Variants in FCMR observed in about 807,000 individuals in gnomAD.
The protein encoded by FCMR is Fc mu receptor.
A neutral mutation model predicts 41.6 loss-of-function variants in FCMR; 34 were observed. The observed-to-expected ratio is 0.82, with a 90% CI of 0.62 to 1.09. The LOEUF (loss-of-function observed/expected upper bound fraction) is 1.09, where lower values mean the gene tolerates loss of function less well. Among genes scored for constraint, FCMR ranks in the 50% least tolerant of loss-of-function variants. The probability of loss-of-function intolerance (pLI) is 0.00; values close to 1 mark genes in which losing one functional copy is unlikely to be tolerated. For missense variants in FCMR, 496 were observed against 512.5 expected, an observed-to-expected ratio of 0.97 and a Z score of 0.31; for synonymous variants, 209 against 211.8, an observed-to-expected ratio of 0.99 and a Z score of 0.12.
intron 1 of FCMR, among the ~76,000 whole-genome samples, chr1:206,915,726 C>T (rs752680845): frequency 1.2e-4 from 19 of 152,020 alleles, no homozygotes; most frequent in Non-Finnish European, 2.4e-4. Flanking sequence ...GAGATTCTTC[C>T]AAATAGCCAG....
chr1:206,910,210 CT>C lies in FCMR; in HGVS notation c.840del (p.Ala281ProfsTer11). On this transcript the variant is annotated frameshift_variant and splice_region_variant, in exon 5 of 8. Transcript: ENST00000367091. LOFTEE classifies it high-confidence loss of function. Reference sequence around the variant, plus strand: ...TCCCTACCGAAGCCCAGCCGCTCACCTTTCCTCCTTTCAACGGCCCTTTTCA... The same window carrying C: ...TCCCTACCGAAGCCCAGCCGCTCACCTTCCTCCTTTCAACGGCCCTTTTCA... The part of the protein sequence containing the change: ...LVVKRAVERR[K>X]ALSRRARRLA... The C allele has an allele frequency of 6.2e-7, 1 of 1,600,114 alleles. No individual in the cohort carries two copies. Among genetic ancestry groups the C allele is most frequent in the South Asian group, 1.1e-5 (1 of 87,690 alleles).
intron 1 of FCMR, among the ~76,000 whole-genome samples, chr1:206,916,727 A>G (rs1289296206): frequency 6.6e-6 from 1 of 152,240 alleles, no homozygotes; most frequent in African/African-American, 2.4e-5. Context: ...AAAGACAGAT[A>G]TAAGCTACTG....
rs139977480 is a variant in FCMR at position 206,917,652 on chromosome 1, G to A, written c.38-3558C>T. 3.2e-3 allele frequency among the ~76,000 whole-genome samples: 481 copies of A among 152,150 alleles called. 9 individuals are homozygous for A. The highest frequency in any genetic ancestry group is 0.026 in the Admixed American group (400 of 15,270). On this transcript the variant is annotated intron_variant, in intron 1 of 7. Transcript: ENST00000367091. ...TCTTCTCCTTCTGTTTTTAAGACAG[G>A]GTCTTTCTCTGTCACCCAGGCTGGG...
At chr1:206,918,650 AGT>A (rs10652847) in intron 1 of FCMR, among the ~76,000 whole-genome samples, 21,985 of 145,730 alleles carry the variant, frequency 0.15, 1,694 homozygotes, top group East Asian at 0.2. Flanking sequence ...ATAAATTTTA[AGT>A]GTGTGTGTGT....
chr1:206,910,387 G>C (rs746926551), intron 4 of FCMR, 47 bp from the exon 5 acceptor site: 1 of 1,430,482 alleles, frequency 7.0e-7, no homozygotes, highest in East Asian at 2.8e-5. Context: ...ATTATTAAAG[G>C]AGGTAGGTTG....
In FCMR at chr1:206,903,335, T is replaced by C. The variant is rs1171712597; in HGVS notation, c.*1684A>G. 2.8e-6 allele frequency: 1 copy of C among 359,400 alleles called. No homozygotes were observed. The highest frequency in any genetic ancestry group is 5.2e-6 in the Non-Finnish European group (1 of 193,706). 22.3% of individuals were successfully genotyped at this position (359,400 alleles called of 1,614,324 possible). ...GTCAGTATTTCAACTGAAGTTCTAT[T>C]TATTTGTGAGACTGTAAGTTACATG... is the stretch of plus-strand genomic sequence containing the variant. On this transcript the variant is annotated 3_prime_UTR_variant, in exon 8 of 8. Transcript: ENST00000367091.
intron 1 of FCMR, among the ~76,000 whole-genome samples, chr1:206,915,782 C>G (rs926857491): frequency 6.6e-6 from 1 of 152,110 alleles, no homozygotes; most frequent in African/African-American, 2.4e-5. Flanking sequence ...CATAGCATGT[C>G]CATGGGCGGA....
At chr1:206,910,450 C>G in intron 4 of FCMR, 110 bp from the exon 5 acceptor site, 1 of 848,120 alleles carries the variant, frequency 1.2e-6, no homozygotes, top group Non-Finnish European at 1.6e-6. Context: ...CAGGTTTGTC[C>G]TTTTGTTAAC....
At position 206,909,605 on chromosome 1, in the gene FCMR, C is replaced by T. The variant is rs1035493813; in HGVS notation, c.986-85G>A. On this transcript the variant is annotated intron_variant, in intron 6 of 7. Transcript: ENST00000367091. This position sits in a 1 kb window ranked among gnomAD's most constrained non-coding sequence, Gnocchi z 5.0. ...TACTACTCCCAGCTCCACCCCCGCCCCACTCCCAGCTCCACCCTGTGGGAA... is the reference window on the plus strand; with the variant it reads ...TACTACTCCCAGCTCCACCCCCGCCTCACTCCCAGCTCCACCCTGTGGGAA... 270 of 1,277,446 alleles carry T rather than the reference C, an allele frequency of 2.1e-4. 1 individual carries two copies. Among genetic ancestry groups the T allele is most frequent in the Middle Eastern group, 4.4e-4 (2 of 4,566 alleles). The allele number at this position is 1,277,446 out of a possible 1,614,324, so 79.1% of individuals were successfully genotyped here.
intron 1 of FCMR, among the ~76,000 whole-genome samples, chr1:206,917,302 G>C (rs1455663598): frequency 6.6e-6 from 1 of 152,210 alleles, no homozygotes; most frequent in East Asian, 1.9e-4. Flanking sequence ...ATCTCAGGAA[G>C]AGGAGAGCTG....
intron 1 of FCMR, among the ~76,000 whole-genome samples, chr1:206,920,832 A>G (rs1401684159): frequency 2.6e-5 from 4 of 152,208 alleles, no homozygotes; most frequent in Non-Finnish European, 5.9e-5. Flanking sequence ...CCTAGTATCA[A>G]TTGCTGCTGC....
chr1:206,905,032 T>C lies in FCMR; in HGVS notation c.1160A>G (p.Asn387Ser), dbSNP rs769337842. The change falls in exon 8 of 8, where the codon AAT (asparagine) becomes AGT (serine). Residue 387 changes from asparagine to serine, a missense_variant. Transcript: ENST00000367091. ...GCTGGGGAGTTGTCAGGCAGGAACA[T>C]TGATGTAGTCATCTGAATCACTGTC... ...MEDSDSDDYI[N>S]VPA is the part of the protein sequence containing the mutation. 27 of 1,613,878 alleles carry C rather than the reference T, an allele frequency of 1.7e-5. No individual in the cohort carries two copies. The highest frequency in any genetic ancestry group is 5.0e-5 in the Admixed American group (3 of 60,004).
In FCMR at chr1:206,909,505, G is replaced by C; in HGVS notation, c.1001C>G (p.Pro334Arg). 2 of 1,287,690 alleles carry C rather than the reference G, an allele frequency of 1.6e-6. No homozygotes were observed. Among genetic ancestry groups the C allele is most frequent in the Non-Finnish European group, 2.0e-6 (2 of 1,019,152 alleles). The allele number at this position is 1,287,690 out of a possible 1,614,324, so 79.8% of individuals were successfully genotyped here. ...GADAAGTGEA[P>R]VPGPGAPLPP... ...CAACGGCGCTCCGGGGCCGGGAACG[G>C]GGGCCTCCCCTGTGCCTAGGGAACA... Residue 334 changes from proline (P) to arginine (R), a missense_variant, in exon 7 of 8, where the codon CCC becomes CGC. Physicochemically the swap from Pro to Arg is moderately radical, Grantham distance 103. Transcript: ENST00000367091. The surrounding 1 kb of genome is among the most constrained non-coding windows in gnomAD (Gnocchi z 5.0).
In FCMR at chr1:206,910,229, C is replaced by A. The variant is rs555558847; in HGVS notation, c.822G>T (p.Arg274Ser). The change falls in exon 5 of 8, where the codon AGG (arginine) becomes AGT (serine). Residue 274 changes from arginine to serine, a missense_variant. Physicochemically the swap from Arg to Ser is moderately radical, Grantham distance 110. Transcript: ENST00000367091. ...LLALLGLVVK[R>S]AVERRKALSR... ...GCTCACCTTTCCTCCTTTCAACGGC[C>A]CTTTTCACCACCAGCCCCAGAAGTG... The A allele has an allele frequency of 1.2e-6, 2 of 1,603,200 alleles. No individual in the cohort carries two copies. Among genetic ancestry groups the A allele is most frequent in the Non-Finnish European group, 1.7e-6 (2 of 1,175,762 alleles).
At position 206,909,380 on chromosome 1, in the gene FCMR, G is replaced by C. The variant is rs1262468421; in HGVS notation, c.1044+82C>G. 2.4e-6 allele frequency: 2 copies of C among 829,302 alleles called. No individual in the cohort carries two copies. Among genetic ancestry groups the C allele is most frequent in the Non-Finnish European group, 3.2e-6 (2 of 619,368 alleles). 51.4% of individuals were successfully genotyped at this position (829,302 alleles called of 1,614,324 possible). Reference sequence around the variant, plus strand: ...CCGGATCGCGGCGGCGGCGGCGCGGGAAGCCACACTCGGGTCCCCGCCCAG... The same window carrying C: ...CCGGATCGCGGCGGCGGCGGCGCGGCAAGCCACACTCGGGTCCCCGCCCAG... On this transcript the variant is annotated intron_variant, in intron 7 of 7. Coordinates refer to ENST00000367091, the MANE Select transcript of FCMR (RefSeq NM_005449.5). The surrounding 1 kb of genome is among the most constrained non-coding windows in gnomAD (Gnocchi z 5.0).
At chr1:206,920,454 CAA>C (rs10693146) in intron 1 of FCMR, among the ~76,000 whole-genome samples, 8 of 111,128 alleles carry the variant, frequency 7.2e-5, no homozygotes, top group Non-Finnish European at 9.2e-5. Context: ...GACTCTGTCT[CAA>C]AAAAAAAAAA....
In FCMR at chr1:206,905,070, G is replaced by A. The variant is rs201035333; in HGVS notation, c.1122C>T (p.Ala374=). 27 of 1,614,142 alleles carry A rather than the reference G, an allele frequency of 1.7e-5. No individual in the cohort carries two copies. Among genetic ancestry groups the A allele is most frequent in the Middle Eastern group, 3.3e-4 (2 of 6,060 alleles). Residue 374 remains alanine (A), a synonymous_variant, in exon 8 of 8, where the codon GCC becomes GCT. Coordinates refer to ENST00000367091, the MANE Select transcript of FCMR (RefSeq NM_005449.5). ...CTGAATCACTGTCCTCCATCATGGC[G>A]GCAGGCTGGTGGTAGAGGCTCACGT... ...CEYVSLYHQP[A]AMMEDSDSDD... is the part of the protein sequence containing the mutation.
chr1:206,914,485 G>A (rs1679106046), intron 1 of FCMR, among the ~76,000 whole-genome samples: 1 of 144,984 alleles, frequency 6.9e-6, no homozygotes, highest in Admixed American at 7.1e-5. Context: ...AGGCTGGAGA[G>A]CAGTGGTATG....
At chr1:206,916,195 A>C (rs1253472737) in intron 1 of FCMR, among the ~76,000 whole-genome samples, 1 of 152,232 alleles carries the variant, frequency 6.6e-6, no homozygotes, top group African/African-American at 2.4e-5. Flanking sequence ...ACAACTAGAC[A>C]TTGCAATGGA....
Sources: allele counts gnomAD v4.1 joint callset (sites outside exome capture counted in the v4.1 genomes callset), GRCh38; gene constraint gnomAD v4.1.1; non-coding constraint Gnocchi (gnomAD v3.1); transcripts MANE v1.5; gene names NCBI Gene and HGNC (gene_info 2026-07-23, HGNC 2026-07-21).